The following RYR3 variants were observed in gnomAD, a reference collection of about 807,000 sequenced individuals.
RYR3 encodes the protein brain ryanodine receptor-calcium release channel.
RYR3 carries 207 observed loss-of-function variants against 584.3 expected under a neutral mutation model. The ratio of observed to expected loss-of-function variants is 0.35; its 90% CI spans 0.32 to 0.40. The LOEUF is 0.40. Ranked by LOEUF, RYR3 falls within the 10% of genes least tolerant of loss-of-function variation. The pLI is 1.00. For missense variants in RYR3, 5,616 were observed against 6,089.2 expected (o/e 0.92, Z 2.59); for synonymous variants, 2,416 against 2,248.5 (o/e 1.07, Z -2.11).
In RYR3 at chr15:33,390,405, T is replaced by C. The variant is rs2141274930; in HGVS notation, c.51+79309T>C. 6.6e-6 allele frequency among the ~76,000 whole-genome samples: 1 copy of C among 152,336 alleles called. No homozygotes were observed. Among genetic ancestry groups the C allele is most frequent in the African/African-American group, 2.4e-5 (1 of 41,576 alleles). On this transcript the variant is annotated intron_variant, in intron 1 of 103. Transcript: ENST00000634891. The surrounding 1 kb of genome is among the most constrained non-coding windows in gnomAD (Gnocchi z 4.2). ...AAACACTGATATTTCCAAACTGATA[T>C]TTGCAGGACCAAGCCACTGCAAAAG...
intron 19 of RYR3, among the ~76,000 whole-genome samples, chr15:33,619,178 A>G (rs967333969): frequency 1.3e-5 from 2 of 151,996 alleles, no homozygotes; most frequent in African/African-American, 4.8e-5. Context: ...TATCTGAGTT[A>G]TAGAAAGAAC....
chr15:33,681,378 T>C (rs1484106385), intron 38 of RYR3, among the ~76,000 whole-genome samples: 1 of 152,232 alleles, frequency 6.6e-6, no homozygotes, highest in Non-Finnish European at 1.5e-5. Flanking sequence ...AGTAGGCTAG[T>C]AGGGCTGCAT....
intron 50 of RYR3, 121 bp downstream of exon 50, chr15:33,738,711 G>C: frequency 9.7e-7 from 1 of 1,033,526 alleles, no homozygotes; most frequent in South Asian, 1.6e-5. Flanking sequence ...TACTTCACAA[G>C]CATATTACGC....
At chr15:33,631,853 T>G (rs17817452) in intron 23 of RYR3, among the ~76,000 whole-genome samples, 45,609 of 152,224 alleles carry the variant, frequency 0.3, 7,766 homozygotes, top group Non-Finnish European at 0.38. Flanking sequence ...GATATGCAGA[T>G]GGATTCACAC....
chr15:33,534,356 G>A (rs1477164622), intron 5 of RYR3, among the ~76,000 whole-genome samples: 2 of 152,344 alleles, frequency 1.3e-5, no homozygotes, highest in Non-Finnish European at 2.9e-5. Context: ...AGCCGAGATC[G>A]CACCATTGCA....
rs1416812975 is a variant in RYR3, at chr15:33,841,738, T to C, written c.13038-126T>C. 9.8e-6 allele frequency: 9 copies of C among 914,288 alleles called. No individual in the cohort carries two copies. The African/African-American group carries it at 1.5e-4, about 15-fold the overall frequency. The allele number at this position is 914,288 out of a possible 1,614,324, so 56.6% of individuals were successfully genotyped here. On this transcript the variant is annotated intron_variant, in intron 90 of 103. Coordinates refer to ENST00000634891, the MANE Select transcript of RYR3 (RefSeq NM_001036.6). ...TGTGGATTGATAAAGACCTGAAGTTTCCACCTTCAAGGAATGATTCTACCT... is the reference window on the plus strand; with the variant it reads ...TGTGGATTGATAAAGACCTGAAGTTCCCACCTTCAAGGAATGATTCTACCT...
chr15:33,817,540 C>G (rs1459749307), intron 75 of RYR3, among the ~76,000 whole-genome samples: 3 of 152,142 alleles, frequency 2.0e-5, no homozygotes, highest in African/African-American at 7.2e-5. Flanking sequence ...TCTTTTTCTC[C>G]TTCTCCCACG....
rs536983765 is a variant in RYR3 at position 33,683,741 on chromosome 15, C to T, written c.5861-12477C>T. 7.9e-5 allele frequency among the ~76,000 whole-genome samples: 12 copies of T among 152,370 alleles called. No homozygotes were observed. In the East Asian group the frequency reaches 1.9e-3, roughly 24 times the overall value. On this transcript the variant is annotated intron_variant, in intron 38 of 103. Coordinates refer to ENST00000634891, the MANE Select transcript of RYR3 (RefSeq NM_001036.6). Reference sequence around the variant, plus strand: ...TTTCCCTTTCCTAGCCACGGGAAGCCGTGACAGACTGTACCTGGAAAAAGG... The same window carrying T: ...TTTCCCTTTCCTAGCCACGGGAAGCTGTGACAGACTGTACCTGGAAAAAGG...
At chr15:33,645,801 A>G (rs1170388530) in intron 28 of RYR3, among the ~76,000 whole-genome samples, 1 of 151,960 alleles carries the variant, frequency 6.6e-6, no homozygotes, top group Non-Finnish European at 1.5e-5. Flanking sequence ...GTGCCTAGGA[A>G]CTGCTGATTT....
At chr15:33,712,338 T>C (rs2067182238) in intron 43 of RYR3, among the ~76,000 whole-genome samples, 1 of 152,046 alleles carries the variant, frequency 6.6e-6, no homozygotes, top group African/African-American at 2.4e-5. Flanking sequence ...AAGGACTGAA[T>C]GGTGATGATG....
intron 12 of RYR3, among the ~76,000 whole-genome samples, chr15:33,569,902 A>G (rs1165284132): frequency 6.6e-6 from 1 of 152,154 alleles, no homozygotes; most frequent in Non-Finnish European, 1.5e-5. Flanking sequence ...CTTTGGTAAA[A>G]TGTAATTAAG....
chr15:33,517,671 T>C (rs1416457564), intron 3 of RYR3, among the ~76,000 whole-genome samples: 2 of 152,178 alleles, frequency 1.3e-5, no homozygotes, highest in African/African-American at 4.8e-5. Context: ...TGACCCAGGC[T>C]CATCTTAATT....
chr15:33,429,481 C>T (rs1475926974), intron 1 of RYR3, among the ~76,000 whole-genome samples: 1 of 152,188 alleles, frequency 6.6e-6, no homozygotes, highest in African/African-American at 2.4e-5. Flanking sequence ...TTTCTCTGGG[C>T]TTCTGAAAGG....
chr15:33,540,844 A>T lies in RYR3; in HGVS notation c.600A>T (p.Thr200=), dbSNP rs1176548596. Residue 200 remains threonine (T), a synonymous_variant, in exon 7 of 104, where the codon ACA becomes ACT. Transcript: ENST00000634891. ...NIQVDASFMQ[T]LWNVHPTCSG... is the part of the protein sequence containing the mutation. ...AAGTGGATGCCTCCTTTATGCAAACACTCTGGAATGTACATCCTACGTGCT... is the reference window on the plus strand; with the variant it reads ...AAGTGGATGCCTCCTTTATGCAAACTCTCTGGAATGTACATCCTACGTGCT... The T allele has an allele frequency of 1.2e-6, 2 of 1,612,820 alleles. No homozygotes were observed. Among genetic ancestry groups the T allele is most frequent in the African/African-American group, 2.7e-5 (2 of 74,798 alleles).
At position 33,865,197 on chromosome 15, in the gene RYR3, C is replaced by T. The variant is rs1309538160; in HGVS notation, c.14584C>T (p.Arg4862Cys). 8.7e-6 allele frequency: 14 copies of T among 1,613,666 alleles called. 1 individual carries two copies. Among genetic ancestry groups the T allele is most frequent in the East Asian group, 4.5e-5 (2 of 44,884 alleles). ...TTTCTTCCCAGCCGGTGACTGCTTT[C>T]GTAAACAATATGAAGATCAGCTTGG... ...WDFFPAGDCFRKQYEDQLG is the reference protein window; with the variant it reads ...WDFFPAGDCFCKQYEDQLG Residue 4862 changes from arginine (R) to cysteine (C), a missense_variant, in exon 104 of 104, where the codon CGT (arginine) becomes TGT (cysteine). Coordinates refer to ENST00000634891, the MANE Select transcript of RYR3 (RefSeq NM_001036.6).
intron 16 of RYR3, among the ~76,000 whole-genome samples, chr15:33,594,536 T>TTTGTTGC (rs1163312395): frequency 1.2e-4 from 19 of 152,238 alleles, no homozygotes; most frequent in Non-Finnish European, 7.3e-5. Context: ...ACTTCAGTTT[T>TTTGTTGC]TTGTTGCTTC....
rs1237395638 is a variant in RYR3, at chr15:33,859,742, C to T, written c.14299+11C>T. ...TGGCCATCATTCAAGGTATGATTGC[C>T]AATTGTGTTGAGTATGAACAGGGTT... On this transcript the variant is annotated intron_variant, in intron 100 of 103. Transcript: ENST00000634891. The T allele has an allele frequency of 4.4e-6, 7 of 1,600,712 alleles. No homozygotes were observed. Among genetic ancestry groups the T allele is most frequent in the East Asian group, 2.2e-5 (1 of 44,686 alleles).
In RYR3 at chr15:33,838,614, A is replaced by G; in HGVS notation, c.12634A>G (p.Ser4212Gly). 1 of 1,613,846 alleles carries G rather than the reference A, an allele frequency of 6.2e-7. No individual in the cohort carries two copies. The highest frequency in any genetic ancestry group is 8.5e-7 in the Non-Finnish European group (1 of 1,179,850). ...ILGGIFQILWSTVFGGGLVEG... is the reference protein window; with the variant it reads ...ILGGIFQILWGTVFGGGLVEG... Reference sequence around the variant, plus strand: ...GGGAGGAATCTTTCAGATCCTCTGGAGCACAGTGTTTGGAGGGGGCCTGGT... The same window carrying G: ...GGGAGGAATCTTTCAGATCCTCTGGGGCACAGTGTTTGGAGGGGGCCTGGT... The change falls in exon 89 of 104, where the codon AGC becomes GGC. Residue 4212 changes from serine to glycine, a missense_variant. This residue lies in a region of RYR3 where 918 missense variants were observed against 887.4 expected (regional missense o/e 1.03). Transcript: ENST00000634891.
intron 38 of RYR3, among the ~76,000 whole-genome samples, chr15:33,695,741 A>G (rs2065798930): frequency 6.6e-6 from 1 of 151,964 alleles, no homozygotes; most frequent in Admixed American, 6.6e-5. Context: ...TTTTGATGAT[A>G]TATTCTACTT....
Sources: allele counts gnomAD v4.1 joint callset (sites outside exome capture counted in the v4.1 genomes callset), GRCh38; gene constraint gnomAD v4.1.1; regional missense constraint gnomAD v4.1.1; non-coding constraint Gnocchi (gnomAD v3.1); transcripts MANE v1.5; gene names NCBI Gene and HGNC (gene_info 2026-07-23, HGNC 2026-07-21).